Variants in RASEF observed in about 807,000 individuals in gnomAD.
RASEF encodes RAS and EF-hand domain containing.
Under a neutral mutation model 90.1 loss-of-function variants are expected in RASEF, and 68 were observed. The ratio of observed to expected loss-of-function variants is 0.75; its 90% CI spans 0.62 to 0.92. The LOEUF (loss-of-function observed/expected upper bound fraction) is 0.92, where lower values mean the gene tolerates loss of function less well. Ranked by LOEUF, RASEF falls within the 40% of genes least tolerant of loss-of-function variation. The pLI is 0.00. For synonymous variants in RASEF, 331 were observed against 345.2 expected (o/e 0.96, Z 0.46); for missense variants, 949 against 937.2 (o/e 1.01, Z -0.16).
intron 14 of RASEF, among the ~76,000 whole-genome samples, chr9:82,994,614 G>A (rs565831383): frequency 1.3e-5 from 2 of 152,096 alleles, no homozygotes; most frequent in Non-Finnish European, 2.9e-5. Context: ...TATATCCCGA[G>A]AACCTAGACT....
At chr9:83,096,351 T>G in the RASEF span, among the ~76,000 whole-genome samples, 1 of 152,238 alleles carries the variant, frequency 6.6e-6, no homozygotes, top group South Asian at 2.1e-4. Context: ...ATTACAAGAA[T>G]GATCTAAAAA....
the RASEF span, among the ~76,000 whole-genome samples, chr9:83,097,577 A>G: frequency 6.6e-6 from 1 of 152,234 alleles, no homozygotes; most frequent in Non-Finnish European, 1.5e-5. Flanking sequence ...CAACCCCATC[A>G]ACAAGTGGGC....
chr9:83,058,172 CTT>C (rs555842009), intron 1 of RASEF, among the ~76,000 whole-genome samples: 1 of 57,886 alleles, frequency 1.7e-5, no homozygotes, highest in Non-Finnish European at 3.3e-5. Context: ...GTATTTATGT[CTT>C]TTTTTTTTTT....
chr9:83,163,911 G>A, the RASEF span, among the ~76,000 whole-genome samples: 1 of 149,878 alleles, frequency 6.7e-6, no homozygotes, highest in African/African-American at 2.5e-5. Context: ...ATTACACCTA[G>A]ATATATCATT....
intron 16 of RASEF, among the ~76,000 whole-genome samples, chr9:82,984,004 T>C (rs1388880998): frequency 6.6e-6 from 1 of 152,192 alleles, no homozygotes; most frequent in East Asian, 1.9e-4. Flanking sequence ...AAATAAAAAT[T>C]GGTTGTTGTT....
At chr9:83,088,690 G>T in the RASEF span, among the ~76,000 whole-genome samples, 3 of 151,978 alleles carry the variant, frequency 2.0e-5, no homozygotes, top group Non-Finnish European at 4.4e-5. Flanking sequence ...AAAACATTTT[G>T]TCTTAAAGTC....
At chr9:83,118,688 T>C in the RASEF span, among the ~76,000 whole-genome samples, 1 of 152,190 alleles carries the variant, frequency 6.6e-6, no homozygotes, top group Non-Finnish European at 1.5e-5. Context: ...TACTAAGCCA[T>C]ATAGTTTCTT....
chr9:83,179,477 T>G, the RASEF span, among the ~76,000 whole-genome samples: 8 of 152,286 alleles, frequency 5.3e-5, no homozygotes, highest in African/African-American at 1.9e-4. Context: ...AGTATCGTCA[T>G]TTATTTCTTT....
intron 15 of RASEF, 40 bp from the exon 16 acceptor site, chr9:82,990,507 A>G (rs748029460): frequency 1.4e-6 from 2 of 1,456,762 alleles, no homozygotes; most frequent in Non-Finnish European, 1.9e-6. Flanking sequence ...GAAGCCCTTC[A>G]TTGAGTTTCC....
chr9:83,149,311 A>G, the RASEF span, among the ~76,000 whole-genome samples: 1 of 152,352 alleles, frequency 6.6e-6, no homozygotes, highest in South Asian at 2.1e-4. Context: ...AAATGGTCCC[A>G]TGTTTAGTGG....
the RASEF span, among the ~76,000 whole-genome samples, chr9:83,128,176 A>C: frequency 6.6e-6 from 1 of 152,060 alleles, no homozygotes; most frequent in Non-Finnish European, 1.5e-5. Context: ...TGATGGCTTC[A>C]ATATTATAGT....
At chr9:83,087,155 C>T in the RASEF span, among the ~76,000 whole-genome samples, 5 of 152,188 alleles carry the variant, frequency 3.3e-5, no homozygotes, top group African/African-American at 1.2e-4. Context: ...GCAATAGAAG[C>T]TAGATTATAG....
chr9:83,158,641 T>C, the RASEF span, among the ~76,000 whole-genome samples: 3 of 146,444 alleles, frequency 2.0e-5, no homozygotes, highest in Non-Finnish European at 3.0e-5. Flanking sequence ...TATATATGTA[T>C]ATATGTCCAA....
At chr9:83,149,008 C>T in the RASEF span, among the ~76,000 whole-genome samples, 4 of 152,184 alleles carry the variant, frequency 2.6e-5, no homozygotes, top group African/African-American at 4.8e-5. Flanking sequence ...AGTGAGAGAG[C>T]GGGGCTGATG....
At chr9:83,146,317 T>TA in the RASEF span, among the ~76,000 whole-genome samples, 10 of 151,940 alleles carry the variant, frequency 6.6e-5, no homozygotes, top group African/African-American at 2.2e-4. Context: ...CTTCTAGAAC[T>TA]AAAAAAGTGT....
chr9:83,040,953 T>G (rs1829828729), intron 1 of RASEF, among the ~76,000 whole-genome samples: 1 of 152,204 alleles, frequency 6.6e-6, no homozygotes, highest in African/African-American at 2.4e-5. Context: ...CTCTGCCTCC[T>G]GGGTTCAAAC....
At chr9:83,017,405 CAGG>C (rs1352366297) in intron 3 of RASEF, among the ~76,000 whole-genome samples, 1 of 151,140 alleles carries the variant, frequency 6.6e-6, no homozygotes, top group Non-Finnish European at 1.5e-5. Context: ...GAGGCTGAGG[CAGG>C]AGAATGGCGT....
rs569658882 is a variant in RASEF, at chr9:83,023,649, C to T, written c.579-1223G>A. Among the ~76,000 whole-genome samples, 11 of 152,286 alleles carry T rather than the reference C, an allele frequency of 7.2e-5. No individual in the cohort carries two copies. The East Asian group carries it at 2.1e-3, about 29-fold the overall frequency. ...ATAGCCTGTCCGAGGTTATGTTAACCAAGCTTGGGAAGTCAGTTCATTTCT... is the reference window on the plus strand; with the variant it reads ...ATAGCCTGTCCGAGGTTATGTTAACTAAGCTTGGGAAGTCAGTTCATTTCT... On this transcript the variant is annotated intron_variant, in intron 2 of 16. Transcript: ENST00000376447.
chr9:83,046,248 C>T lies in RASEF; in HGVS notation c.431+16189G>A, dbSNP rs184082007. ...TTAAGATACCCACAGGTATTCTGAA[C>T]TACTGTATTTCTATGTCTATTAAGA... On this transcript the variant is annotated intron_variant, in intron 1 of 16. Coordinates refer to ENST00000376447, the MANE Select transcript of RASEF (RefSeq NM_152573.4). 2.0e-5 allele frequency among the ~76,000 whole-genome samples: 3 copies of T among 152,228 alleles called. No homozygotes were observed. The East Asian group carries it at 5.8e-4, about 29-fold the overall frequency.
Sources: allele counts gnomAD v4.1 joint callset (sites outside exome capture counted in the v4.1 genomes callset), GRCh38; gene constraint gnomAD v4.1.1; transcripts MANE v1.5; gene names NCBI Gene and HGNC (gene_info 2026-07-23, HGNC 2026-07-21).